RFX3: variants seen among roughly 807,000 people sequenced by gnomAD.
RFX3 encodes regulatory factor X3.
RFX3 carries 14 observed loss-of-function variants against 98.6 expected under a neutral mutation model. The observed-to-expected ratio is 0.14, with a 90% confidence interval of 0.09 to 0.22. The LOEUF is 0.22. Ranked by LOEUF, RFX3 falls within the 10% of genes least tolerant of loss-of-function variation. The pLI, the probability that RFX3 is intolerant of heterozygous loss-of-function variation, is 1.00. For missense variants in RFX3, 639 were observed against 926.9 expected, an observed-to-expected ratio of 0.69 and a Z score of 4.03; for synonymous variants, 383 against 328.4, an observed-to-expected ratio of 1.17 and a Z score of -1.80.
chr9:3,525,543 C>G (rs550632636), intron 1 of RFX3, among the ~76,000 whole-genome samples: 3 of 152,004 alleles, frequency 2.0e-5, no homozygotes, highest in Admixed American at 1.3e-4. Flanking sequence ...CCCGACCCAG[C>G]CGCGGCGCGC....
chr9:3,276,139 G>A (rs992123606), intron 8 of RFX3, among the ~76,000 whole-genome samples: 7 of 152,186 alleles, frequency 4.6e-5, no homozygotes, highest in African/African-American at 1.7e-4. Flanking sequence ...GTTATCTCTT[G>A]CAACAAGGAT....
At chr9:3,304,215 C>T (rs538160379) in intron 4 of RFX3, among the ~76,000 whole-genome samples, 1 of 151,894 alleles carries the variant, frequency 6.6e-6, no homozygotes, top group South Asian at 2.1e-4. Flanking sequence ...GAGAAGCATA[C>T]AAAAAATTAA....
At chr9:3,401,268 G>A (rs1272341923) in intron 1 of RFX3, among the ~76,000 whole-genome samples, 3 of 152,108 alleles carry the variant, frequency 2.0e-5, no homozygotes, top group South Asian at 2.1e-4. Context: ...TAACCCTCCC[G>A]CCAAATTTTG....
intron 1 of RFX3, among the ~76,000 whole-genome samples, chr9:3,511,937 T>C (rs1400679582): frequency 1.3e-5 from 2 of 152,034 alleles, no homozygotes; most frequent in Non-Finnish European, 2.9e-5. Flanking sequence ...CACTTTAAAA[T>C]AACTAAAAGT....
intron 1 of RFX3, among the ~76,000 whole-genome samples, chr9:3,456,657 C>T (rs1847177026): frequency 6.6e-6 from 1 of 152,176 alleles, no homozygotes; most frequent in African/African-American, 2.4e-5. Context: ...AATAACCTAA[C>T]TCCTAATTTG....
intron 13 of RFX3, among the ~76,000 whole-genome samples, chr9:3,260,574 G>A (rs1822743998): frequency 6.6e-6 from 1 of 151,634 alleles, no homozygotes; most frequent in Admixed American, 6.6e-5. Context: ...TCTGAAACTA[G>A]AAGCTGCCTT....
At chr9:3,410,997 T>C (rs1403291113) in intron 1 of RFX3, among the ~76,000 whole-genome samples, 1 of 152,204 alleles carries the variant, frequency 6.6e-6, no homozygotes, top group Admixed American at 6.5e-5. Flanking sequence ...GTATTTTCTA[T>C]GTAATCTTGC....
At chr9:3,384,213 A>AG (rs5896010) in intron 2 of RFX3, among the ~76,000 whole-genome samples, 138,205 of 152,214 alleles carry the variant, frequency 0.91, 62,911 homozygotes, top group East Asian at 1. Context: ...AGAATACCTC[A>AG]TGTTTGCATT....
At chr9:3,358,265 GT>G (rs751067837) in intron 2 of RFX3, among the ~76,000 whole-genome samples, 20 of 152,060 alleles carry the variant, frequency 1.3e-4, no homozygotes, top group Non-Finnish European at 2.9e-4. Flanking sequence ...TGAATAACTG[GT>G]AAAATTATGA....
chr9:3,289,802 T>C (rs760690397), intron 6 of RFX3, among the ~76,000 whole-genome samples: 5 of 152,104 alleles, frequency 3.3e-5, no homozygotes, highest in Non-Finnish European at 7.4e-5. Context: ...TTTGCCTTTG[T>C]TTAAAACAGT....
At chr9:3,263,247 A>T (rs1324406746) in intron 12 of RFX3, among the ~76,000 whole-genome samples, 163 bp from the exon 13 acceptor site, 1 of 152,170 alleles carries the variant, frequency 6.6e-6, no homozygotes, top group Non-Finnish European at 1.5e-5. Flanking sequence ...CAGCATTTAA[A>T]TCTCTAAACC....
At chr9:3,487,115 C>G (rs1380553219) in intron 1 of RFX3, among the ~76,000 whole-genome samples, 2 of 152,060 alleles carry the variant, frequency 1.3e-5, no homozygotes, top group Admixed American at 6.5e-5. Flanking sequence ...CTTGACATCC[C>G]AAAGTGCTGA....
intron 3 of RFX3, among the ~76,000 whole-genome samples, chr9:3,337,690 G>C (rs984820445): frequency 6.6e-6 from 1 of 152,174 alleles, no homozygotes; most frequent in African/African-American, 2.4e-5. Context: ...TTTTGTGCAT[G>C]GTCTGGCTGC....
At chr9:3,259,873 C>T (rs945372917) in intron 13 of RFX3, among the ~76,000 whole-genome samples, 1 of 152,004 alleles carries the variant, frequency 6.6e-6, no homozygotes, top group Non-Finnish European at 1.5e-5. Flanking sequence ...TATTGACACA[C>T]ATGTAATTTC....
At chr9:3,504,944 A>T (rs866340688) in intron 1 of RFX3, among the ~76,000 whole-genome samples, 1,723 of 58,998 alleles carry the variant, frequency 0.029, 156 homozygotes, top group African/African-American at 0.15. Context: ...TAATATATAT[A>T]ATATAATATA....
At chr9:3,379,812 C>T (rs753559334) in intron 2 of RFX3, among the ~76,000 whole-genome samples, 11 of 152,080 alleles carry the variant, frequency 7.2e-5, no homozygotes, top group Non-Finnish European at 1.6e-4. Context: ...ATCTGTAAAA[C>T]GCTTTGCAGT....
intron 4 of RFX3, among the ~76,000 whole-genome samples, chr9:3,312,987 G>T (rs896051072): frequency 1.3e-5 from 2 of 152,198 alleles, no homozygotes; most frequent in Non-Finnish European, 2.9e-5. Context: ...AGACTTAAAT[G>T]TCCCTGTCTG....
chr9:3,287,031 T>G (rs1826698629), intron 7 of RFX3, among the ~76,000 whole-genome samples: 1 of 151,984 alleles, frequency 6.6e-6, no homozygotes, highest in Non-Finnish European at 1.5e-5. Context: ...CTTCCCAGAC[T>G]GTATTCCATT....
chr9:3,248,557 T>C (rs529939713), intron 14 of RFX3, among the ~76,000 whole-genome samples: 1 of 152,306 alleles, frequency 6.6e-6, no homozygotes, highest in South Asian at 2.1e-4. Flanking sequence ...GAAAATCCTA[T>C]TGATGAAGGT....
Sources: allele counts gnomAD v4.1 joint callset (sites outside exome capture counted in the v4.1 genomes callset), GRCh38; gene constraint gnomAD v4.1.1; transcripts MANE v1.5; gene names NCBI Gene and HGNC (gene_info 2026-07-23, HGNC 2026-07-21).